Variants in BBX observed in about 807,000 individuals in gnomAD.
The protein encoded by BBX is HMG box transcription factor BBX.
In BBX, 30 loss-of-function variants were observed where a neutral mutation model predicts 100.2. The observed-to-expected ratio is 0.30, with a 90% CI of 0.22 to 0.41. BBX has a LOEUF of 0.41. Among genes scored for constraint, BBX ranks in the 10% least tolerant of loss-of-function variants. The pLI, the probability that BBX is intolerant of heterozygous loss-of-function variation, is 1.00. For missense variants in BBX, 1,023 were observed against 1,129.8 expected (o/e 0.91, Z 1.35); for synonymous variants, 376 against 388.1 (o/e 0.97, Z 0.37).
chr3:107,631,411 A>G (rs2056540182), intron 2 of BBX, among the ~76,000 whole-genome samples: 3 of 152,220 alleles, frequency 2.0e-5, no homozygotes, highest in Non-Finnish European at 4.4e-5. Flanking sequence ...GATAAAATTC[A>G]AAGTGTCAAG....
chr3:107,679,001 A>G (rs1169635325), intron 3 of BBX, among the ~76,000 whole-genome samples: 1 of 152,146 alleles, frequency 6.6e-6, no homozygotes, highest in African/African-American at 2.4e-5. Flanking sequence ...TAATTTATAG[A>G]TGCGGGTTTA....
At chr3:107,663,844 C>T (rs368618917) in intron 3 of BBX, among the ~76,000 whole-genome samples, 3 of 149,202 alleles carry the variant, frequency 2.0e-5, no homozygotes, top group Non-Finnish European at 3.0e-5. Flanking sequence ...CTCACGCTCT[C>T]GCCCAGGCTG....
intron 2 of BBX, among the ~76,000 whole-genome samples, chr3:107,642,443 A>G (rs934556043): frequency 6.6e-6 from 1 of 152,230 alleles, no homozygotes; most frequent in Admixed American, 6.5e-5. Flanking sequence ...GGAAATTGGA[A>G]TACAGTACCT....
In BBX at chr3:107,626,780, G is replaced by A. The variant is rs186922399; in HGVS notation, c.-83-19056G>A. On this transcript the variant is annotated intron_variant, in intron 2 of 17. Coordinates refer to ENST00000325805, the MANE Select transcript of BBX (RefSeq NM_001142568.3). The stretch of plus-strand genomic sequence containing the variant: ...AGTGATTTTCCTGCCTCAGCCTCCC[G>A]AGTAACTGGGATTACAGGCACCCAC... Among the ~76,000 whole-genome samples, 149 of 151,400 alleles carry A rather than the reference G, an allele frequency of 9.8e-4. 2 individuals carry two copies. In the East Asian group the frequency reaches 0.027, roughly 27 times the overall value.
chr3:107,523,939 GA>G (rs1050562718), intron 1 of BBX, among the ~76,000 whole-genome samples: 2 of 151,372 alleles, frequency 1.3e-5, no homozygotes, highest in African/African-American at 4.9e-5. Context: ...AATAGGGGGA[GA>G]GGGGGAAGAG....
chr3:107,542,199 A>C (rs1230611920), intron 2 of BBX, among the ~76,000 whole-genome samples: 1 of 152,228 alleles, frequency 6.6e-6, no homozygotes, highest in Non-Finnish European at 1.5e-5. Context: ...AAAAAGGTCT[A>C]GTCATTATTA....
At chr3:107,694,908 C>T (rs1177680616) in intron 3 of BBX, among the ~76,000 whole-genome samples, 2 of 151,748 alleles carry the variant, frequency 1.3e-5, no homozygotes, top group African/African-American at 4.9e-5. Context: ...TCAACTTCTT[C>T]CTGGTTTAGT....
At position 107,636,862 on chromosome 3, in the gene BBX, C is replaced by T. The variant is rs138690885; in HGVS notation, c.-83-8974C>T. ...TTAATTATTGGTAGAGCATTTATAT[C>T]GTAAAGAGGTTGTTACTGTAGAGAA... On this transcript the variant is annotated intron_variant, in intron 2 of 17. Coordinates refer to ENST00000325805, the MANE Select transcript of BBX (RefSeq NM_001142568.3). Among the ~76,000 whole-genome samples the T allele has an allele frequency of 8.6e-3, 1,310 of 152,216 alleles. 9 individuals are homozygous for T. The highest frequency in any genetic ancestry group is 0.015 in the Non-Finnish European group (994 of 68,016).
chr3:107,611,257 G>T (rs2054828331), intron 2 of BBX, among the ~76,000 whole-genome samples: 1 of 152,086 alleles, frequency 6.6e-6, no homozygotes, highest in South Asian at 2.1e-4. Context: ...TTCTACTTAA[G>T]ATCAGTGTCT....
intron 3 of BBX, among the ~76,000 whole-genome samples, chr3:107,685,823 T>C (rs1307628047): frequency 1.3e-5 from 2 of 152,238 alleles, no homozygotes; most frequent in African/African-American, 4.8e-5. Context: ...GGTTTTTTGT[T>C]GGTATGTACC....
intron 3 of BBX, among the ~76,000 whole-genome samples, chr3:107,684,106 T>C (rs953821353): frequency 2.0e-5 from 3 of 152,150 alleles, no homozygotes; most frequent in African/African-American, 4.8e-5. Context: ...AGATGGAAAA[T>C]TGTCTTTCTA....
intron 2 of BBX, among the ~76,000 whole-genome samples, chr3:107,596,828 G>C (rs1239098454): frequency 2.0e-5 from 3 of 152,146 alleles, no homozygotes; most frequent in African/African-American, 7.2e-5. Context: ...CAAATATCTG[G>C]AACACTTCGT....
chr3:107,792,095 C>A (rs183076936), intron 15 of BBX, among the ~76,000 whole-genome samples: 161 of 152,310 alleles, frequency 1.1e-3, no homozygotes, highest in African/African-American at 3.6e-3. Context: ...AAATTTCTCA[C>A]GGCCATATTT....
intron 10 of BBX, among the ~76,000 whole-genome samples, chr3:107,769,200 A>AGATAGATAGATAGATAGATAG: frequency 7.5e-6 from 1 of 134,204 alleles, no homozygotes; most frequent in South Asian, 2.4e-4. Context: ...ATAGATAGAT[A>AGATAGATAGATAGATAGATAG]GATAGATAGA....
chr3:107,629,283 C>G (rs1349455618), intron 2 of BBX, among the ~76,000 whole-genome samples: 2 of 152,148 alleles, frequency 1.3e-5, no homozygotes, highest in East Asian at 3.9e-4. Flanking sequence ...CAAACAACTT[C>G]CTTACAATTT....
intron 2 of BBX, among the ~76,000 whole-genome samples, chr3:107,562,307 C>T (rs759152589): frequency 8.5e-5 from 13 of 152,148 alleles, no homozygotes; most frequent in South Asian, 4.1e-4. Flanking sequence ...AGGGAAGTTT[C>T]GCTTTACTCA....
chr3:107,669,101 CGAT>C (rs752279294), intron 3 of BBX, among the ~76,000 whole-genome samples: 2 of 151,568 alleles, frequency 1.3e-5, no homozygotes, highest in Non-Finnish European at 2.9e-5. Context: ...AAGAGGCTAG[CGAT>C]GATGATGATG....
chr3:107,774,684 A>G, intron 11 of BBX, 35 bp from the exon 12 acceptor site: 11 of 1,608,768 alleles, frequency 6.8e-6, no homozygotes, highest in Non-Finnish European at 9.3e-6. Flanking sequence ...GCCCACCTGT[A>G]TACCAAACAC....
At chr3:107,545,003 G>A (rs933160381) in intron 2 of BBX, among the ~76,000 whole-genome samples, 4 of 151,550 alleles carry the variant, frequency 2.6e-5, no homozygotes, top group African/African-American at 4.8e-5. Flanking sequence ...GCAACAGAGC[G>A]AGACTCCGTC....
Sources: gnomAD v4.1 joint callset for allele counts (sites outside exome capture counted in the v4.1 genomes callset) on GRCh38, gnomAD v4.1.1 for gene constraint, MANE v1.5 for transcripts, NCBI Gene and HGNC (gene_info 2026-07-23, HGNC 2026-07-21) for gene names.